SBF2: variants seen among roughly 807,000 people sequenced by gnomAD.
The protein encoded by SBF2 is myotubularin-related protein 13.
Under a neutral mutation model 225.2 loss-of-function variants are expected in SBF2, and 112 were observed. The ratio of observed to expected loss-of-function variants is 0.50; its 90% CI spans 0.43 to 0.58. The LOEUF (loss-of-function observed/expected upper bound fraction) is 0.58, where lower values mean the gene tolerates loss of function less well. Ranked by LOEUF, SBF2 falls within the 20% of genes least tolerant of loss-of-function variation. The pLI is 0.00. For missense variants in SBF2, 1,996 were observed against 2,206.2 expected (o/e 0.90, Z 1.91); for synonymous variants, 763 against 773.3 (o/e 0.99, Z 0.22).
At chr11:10,020,924 C>A (rs1463600189) in intron 6 of SBF2, among the ~76,000 whole-genome samples, 5 of 143,560 alleles carry the variant, frequency 3.5e-5, no homozygotes, top group Admixed American at 8.1e-5. Flanking sequence ...TAAAAAAAAA[C>A]CCTATATTTA....
At chr11:9,814,271 T>C (rs892873012) in intron 29 of SBF2, among the ~76,000 whole-genome samples, 2 of 152,248 alleles carry the variant, frequency 1.3e-5, no homozygotes, top group Non-Finnish European at 2.9e-5. Context: ...TGTGCCCAAA[T>C]TACTCTATTG....
intron 1 of SBF2, among the ~76,000 whole-genome samples, chr11:10,267,096 A>T (rs1025577450): frequency 2.6e-5 from 4 of 152,198 alleles, no homozygotes; most frequent in Non-Finnish European, 4.4e-5. Flanking sequence ...CATCTCAAAA[A>T]TAAATTAAAT....
At chr11:9,889,727 A>C (rs1860636062) in intron 17 of SBF2, among the ~76,000 whole-genome samples, 1 of 152,180 alleles carries the variant, frequency 6.6e-6, no homozygotes, top group Admixed American at 6.6e-5. Flanking sequence ...TCAGTGAGAA[A>C]AGCAACACAC....
At chr11:10,114,723 T>C (rs1953047753) in intron 2 of SBF2, among the ~76,000 whole-genome samples, 1 of 152,248 alleles carries the variant, frequency 6.6e-6, no homozygotes, top group African/African-American at 2.4e-5. Context: ...TCCATTATGA[T>C]CCCATTGTCC....
chr11:10,145,800 G>T (rs1162705111), intron 2 of SBF2, among the ~76,000 whole-genome samples: 1 of 152,108 alleles, frequency 6.6e-6, no homozygotes, highest in African/African-American at 2.4e-5. Context: ...GTTTGCAGAT[G>T]ACATGATTCT....
intron 2 of SBF2, among the ~76,000 whole-genome samples, chr11:10,181,097 G>A (rs561634239): frequency 2.0e-5 from 3 of 152,064 alleles, no homozygotes; most frequent in South Asian, 4.2e-4. Flanking sequence ...TCTTTCTAAC[G>A]CCACTTAAAC....
intron 2 of SBF2, among the ~76,000 whole-genome samples, chr11:10,124,631 C>A (rs1371190421): frequency 6.6e-6 from 1 of 152,048 alleles, no homozygotes; most frequent in Non-Finnish European, 1.5e-5. Context: ...TCATGAGAGT[C>A]ATTTTTCTAA....
intron 28 of SBF2, among the ~76,000 whole-genome samples, chr11:9,822,316 A>C (rs1228861653): frequency 1.4e-5 from 2 of 142,504 alleles, no homozygotes; most frequent in East Asian, 4.1e-4. Context: ...GCTGGAGTGC[A>C]GTGGCGCGAT....
chr11:10,113,661 A>G (rs1185074920), intron 2 of SBF2, among the ~76,000 whole-genome samples: 1 of 152,166 alleles, frequency 6.6e-6, no homozygotes, highest in Non-Finnish European at 1.5e-5. Flanking sequence ...AAAGTGAAAC[A>G]TACATTAGGT....
chr11:10,297,450 A>C (rs1964558781), upstream of SBF2, among the ~76,000 whole-genome samples: 1 of 152,194 alleles, frequency 6.6e-6, no homozygotes, highest in Non-Finnish European at 1.5e-5. Flanking sequence ...TTTTAGTGTT[A>C]TATCTAAAAA....
At chr11:9,833,966 C>G (rs1351089637) in intron 26 of SBF2, among the ~76,000 whole-genome samples, 1 of 150,070 alleles carries the variant, frequency 6.7e-6, no homozygotes, top group African/African-American at 2.5e-5. Flanking sequence ...GACAGGGTTT[C>G]TCCATGTTGG....
intron 2 of SBF2, among the ~76,000 whole-genome samples, chr11:10,176,909 T>C (rs1389732354): frequency 6.6e-6 from 1 of 152,158 alleles, no homozygotes; most frequent in Admixed American, 6.5e-5. Context: ...TTTAGACCAA[T>C]ACCCTTGGTG....
intron 29 of SBF2, among the ~76,000 whole-genome samples, chr11:9,815,544 G>A (rs1854414152): frequency 6.6e-6 from 1 of 152,008 alleles, no homozygotes; most frequent in South Asian, 2.1e-4. Flanking sequence ...AAGGAAAAAG[G>A]CAGCATCCCA....
intron 6 of SBF2, among the ~76,000 whole-genome samples, chr11:10,011,677 A>G (rs948227807): frequency 6.6e-6 from 1 of 152,232 alleles, no homozygotes; most frequent in African/African-American, 2.4e-5. Context: ...AATATGTCAC[A>G]TCAATGCCTT....
chr11:10,094,280 G>A (rs183810636), intron 2 of SBF2, among the ~76,000 whole-genome samples: 266 of 152,204 alleles, frequency 1.7e-3, no homozygotes, highest in African/African-American at 5.9e-3. Context: ...CTGAGATGGT[G>A]CCATTGCACT....
intron 13 of SBF2, among the ~76,000 whole-genome samples, chr11:9,985,225 C>T (rs369163362): frequency 2.0e-5 from 3 of 152,250 alleles, no homozygotes; most frequent in East Asian, 3.9e-4. Context: ...ACATACATAA[C>T]GACTCACATA....
At chr11:10,045,055 C>T (rs1949798220) in intron 2 of SBF2, among the ~76,000 whole-genome samples, 1 of 152,076 alleles carries the variant, frequency 6.6e-6, no homozygotes, top group Non-Finnish European at 1.5e-5. Context: ...AGTGTGGGAC[C>T]CTAGCTGTTT....
chr11:9,817,448 A>G (rs1854511604), intron 28 of SBF2, among the ~76,000 whole-genome samples: 1 of 152,204 alleles, frequency 6.6e-6, no homozygotes, highest in East Asian at 1.9e-4. Context: ...TCTTCTGCTT[A>G]TTTGGTCAAT....
intron 13 of SBF2, among the ~76,000 whole-genome samples, chr11:9,973,708 G>A (rs12419923): frequency 0.2 from 30,709 of 152,022 alleles, 3,981 homozygotes; most frequent in Non-Finnish European, 0.3. Context: ...TAGGCTAAGT[G>A]AGAATATGCC....
Sources: gnomAD v4.1 joint callset for allele counts (sites outside exome capture counted in the v4.1 genomes callset) on GRCh38, gnomAD v4.1.1 for gene constraint, MANE v1.5 for transcripts, NCBI Gene and HGNC (gene_info 2026-07-23, HGNC 2026-07-21) for gene names.